Variants in GLDC observed in about 807,000 individuals in gnomAD.
GLDC encodes the protein glycine decarboxylase, also known as glycine dehydrogenase (decarboxylating), mitochondrial.
GLDC carries 104 observed loss-of-function variants against 121.3 expected under a neutral mutation model. The observed-to-expected ratio is 0.86, with a 90% CI of 0.73 to 1.01. GLDC has a LOEUF of 1.01. GLDC is among the 50% of genes least tolerant of loss of function. GLDC has a pLI of 0.00. For missense variants in GLDC, 1,429 were observed against 1,306.6 expected (o/e 1.09, Z -1.44); for synonymous variants, 546 against 480.6 (o/e 1.14, Z -1.78).
chr9:6,568,781 G>A (rs1817899420), intron 15 of GLDC: 1 of 152,024 alleles, frequency 6.6e-6, no homozygotes, highest in African/African-American at 2.4e-5. Flanking sequence ...CCTGGGAGGT[G>A]GAGGTTGCAG....
intron 15 of GLDC, among the ~76,000 whole-genome samples, chr9:6,573,524 C>A (rs113706401): frequency 5.9e-5 from 9 of 151,812 alleles, no homozygotes; most frequent in African/African-American, 2.2e-4. Flanking sequence ...ATCATCAGTG[C>A]AGAAGGGTTA....
intron 15 of GLDC, among the ~76,000 whole-genome samples, chr9:6,571,230 C>T (rs532828178): frequency 4.3e-4 from 66 of 152,164 alleles, no homozygotes; most frequent in African/African-American, 1.6e-3. Flanking sequence ...GGCTTATTAA[C>T]AGTAGCCCCC....
chr9:6,550,722 T>C (rs1027793459), intron 21 of GLDC, 81 bp downstream of exon 21: 17 of 831,196 alleles, frequency 2.0e-5, no homozygotes, highest in Middle Eastern at 6.6e-4. Flanking sequence ...CTCTTGCCCA[T>C]GTCAGAAAAG....
intron 15 of GLDC, among the ~76,000 whole-genome samples, chr9:6,566,710 C>G (rs1266260586): frequency 6.6e-6 from 1 of 152,122 alleles, no homozygotes; most frequent in Non-Finnish European, 1.5e-5. Flanking sequence ...ATGTATCAGT[C>G]CCATTCAAAA....
At chr9:6,644,408 G>A in intron 2 of GLDC, 1 of 617,610 alleles carries the variant, frequency 1.6e-6, no homozygotes, top group South Asian at 1.9e-5. Context: ...GCACAACACC[G>A]ACTCTCTCCT....
intron 16 of GLDC, 142 bp from the exon 17 acceptor site, chr9:6,558,826 T>A: frequency 1.1e-6 from 1 of 894,450 alleles, no homozygotes; most frequent in Non-Finnish European, 1.8e-6. Context: ...CTTTAAAATC[T>A]GCTACAATTT....
At chr9:6,608,402 A>G (rs947584353) in intron 4 of GLDC, among the ~76,000 whole-genome samples, 10 of 149,464 alleles carry the variant, frequency 6.7e-5, no homozygotes, top group African/African-American at 2.5e-4. Context: ...AGCCTGAGTG[A>G]CAGAGTGAGA....
intron 16 of GLDC, among the ~76,000 whole-genome samples, chr9:6,563,915 G>C (rs767062202): frequency 4.6e-5 from 7 of 151,748 alleles, no homozygotes; most frequent in Non-Finnish European, 8.8e-5. Flanking sequence ...AGGCTTCCTT[G>C]AGCCCAGGAG....
intron 17 of GLDC, chr9:6,558,251 TG>T: frequency 1.7e-6 from 1 of 587,350 alleles, no homozygotes; most frequent in Non-Finnish European, 3.0e-6. Flanking sequence ...ACTGCCATTT[TG>T]ATTATTAAGT....
chr9:6,539,256 T>C (rs2013966), intron 22 of GLDC, among the ~76,000 whole-genome samples: 16,844 of 152,078 alleles, frequency 0.11, 1,279 homozygotes, highest in East Asian at 0.29. Context: ...GGTGGGTGGA[T>C]TGCCTGAGCT....
At chr9:6,624,666 C>T (rs1449213487) in intron 2 of GLDC, among the ~76,000 whole-genome samples, 1 of 152,132 alleles carries the variant, frequency 6.6e-6, no homozygotes, top group Non-Finnish European at 1.5e-5. Flanking sequence ...CACGATAATA[C>T]TCTTGGGCCC....
chr9:6,566,220 G>A (rs895857515), intron 15 of GLDC, among the ~76,000 whole-genome samples: 2 of 152,230 alleles, frequency 1.3e-5, no homozygotes, highest in African/African-American at 4.8e-5. Flanking sequence ...TCCAACCTGG[G>A]TGACAGAGTG....
chr9:6,557,606 C>G (rs1011590701), intron 17 of GLDC: 4 of 104,304 alleles, frequency 3.8e-5, no homozygotes, highest in Non-Finnish European at 8.4e-5. Context: ...AACAAACAAA[C>G]AAAAAGATAA....
intron 21 of GLDC, chr9:6,541,245 A>T (rs1291987033): frequency 6.6e-6 from 1 of 152,132 alleles, no homozygotes; most frequent in African/African-American, 2.4e-5. Context: ...TCAGGAATAA[A>T]CCATTAAGTC....
chr9:6,583,637 C>A (rs1285584238), intron 15 of GLDC, among the ~76,000 whole-genome samples: 1 of 152,172 alleles, frequency 6.6e-6, no homozygotes, highest in Admixed American at 6.5e-5. Context: ...GATCCTGCTA[C>A]TGCACTCCAG....
chr9:6,611,819 T>C (rs1473976394), intron 3 of GLDC, among the ~76,000 whole-genome samples: 2 of 152,198 alleles, frequency 1.3e-5, no homozygotes, highest in African/African-American at 2.4e-5. Flanking sequence ...TGGACTAGAT[T>C]GTATGTGTGT....
intron 17 of GLDC, 67 bp from the exon 18 acceptor site, chr9:6,556,369 G>T (rs569513709): frequency 2.3e-6 from 3 of 1,304,868 alleles, no homozygotes; most frequent in Non-Finnish European, 3.3e-6. Context: ...CCAAATCCTC[G>T]CCTTTCATTT....
chr9:6,614,804 T>G (rs115450339), intron 3 of GLDC, among the ~76,000 whole-genome samples: 1 of 152,206 alleles, frequency 6.6e-6, no homozygotes, highest in South Asian at 2.1e-4. Context: ...TACTTACGTG[T>G]ACTTAGAAGG....
chr9:6,542,066 C>G (rs553084382), intron 21 of GLDC: 83 of 152,212 alleles, frequency 5.5e-4, no homozygotes, highest in African/African-American at 1.9e-3. Context: ...GTGGTGAAAC[C>G]CCATCTCTAC....
Sources: gnomAD v4.1 joint callset for allele counts (sites outside exome capture counted in the v4.1 genomes callset) on GRCh38, gnomAD v4.1.1 for gene constraint, MANE v1.5 for transcripts, NCBI Gene and HGNC (gene_info 2026-07-23, HGNC 2026-07-21) for gene names.